Variants in FUT8 observed in about 807,000 individuals in gnomAD.
The protein encoded by FUT8 is alpha-(1,6)-fucosyltransferase.
A neutral mutation model predicts 71.3 loss-of-function variants in FUT8; 29 were observed. That is an observed-to-expected ratio of 0.41 (90% CI 0.30 to 0.55). The LOEUF is 0.55. Among genes scored for constraint, FUT8 ranks in the 20% least tolerant of loss-of-function variants. The probability of loss-of-function intolerance (pLI) is 0.34; values close to 1 mark genes in which losing one functional copy is unlikely to be tolerated. For missense variants in FUT8, 544 were observed against 702.1 expected (o/e 0.77, Z 2.55); for synonymous variants, 254 against 239.3 (o/e 1.06, Z -0.57).
At chr14:65,552,365 T>C (rs1885338822) in intron 2 of FUT8, among the ~76,000 whole-genome samples, 3 of 152,234 alleles carry the variant, frequency 2.0e-5, no homozygotes, top group South Asian at 4.1e-4. Flanking sequence ...GGATATGTAA[T>C]GTATTTTATG....
Position 65,439,954 on chromosome 14 carries a change from G to GTGTATGTATATATATA in FUT8, c.-325-15666_-325-15665insGTATGTATATATATAT. The stretch of plus-strand genomic sequence containing the variant: ...ATAAAGAAAATGTGTGTGTGTGTGT[G>GTGTATGTATATATATA]TATATATATATATATATATATATAT... On this transcript the variant is annotated intron_variant, in intron 1 of 10. Coordinates refer to ENST00000673929, the MANE Select transcript of FUT8 (RefSeq NM_001371533.1). Among the ~76,000 whole-genome samples the GTGTATGTATATATATA allele has an allele frequency of 7.1e-4, 53 of 74,968 alleles. 1 individual carries two copies. Among genetic ancestry groups the GTGTATGTATATATATA allele is most frequent in the South Asian group, 2.4e-3 (4 of 1,688 alleles). 49.2% of individuals were successfully genotyped at this position (74,968 alleles called of 152,430 possible).
intron 3 of FUT8, among the ~76,000 whole-genome samples, chr14:65,580,876 T>C (rs767929647): frequency 1.5e-4 from 23 of 152,120 alleles, no homozygotes; most frequent in Admixed American, 7.9e-4. Context: ...ACAGTGTGGA[T>C]TGGAATCTAA....
At chr14:65,737,858 C>T (rs532691052) in intron 10 of FUT8, among the ~76,000 whole-genome samples, 5 of 152,188 alleles carry the variant, frequency 3.3e-5, no homozygotes, top group Admixed American at 6.5e-5. Flanking sequence ...AATCCGCACG[C>T]AATTCTACTC....
rs187041606 is a variant in FUT8 at position 65,702,374 on chromosome 14, T to C, written c.836-19401T>C. ...AAAAAAAAAAAAGGGAACAAGAAAGTACCTCATCACAACTTTGCGGATTAA... is the reference window on the plus strand; with the variant it reads ...AAAAAAAAAAAAGGGAACAAGAAAGCACCTCATCACAACTTTGCGGATTAA... On this transcript the variant is annotated intron_variant, in intron 7 of 10. Transcript: ENST00000673929. Among the ~76,000 whole-genome samples the C allele has an allele frequency of 1.9e-4, 29 of 149,984 alleles. No homozygotes were observed. The South Asian group carries it at 3.6e-3, about 19-fold the overall frequency.
In FUT8 at chr14:65,572,285, A is replaced by C. The variant is rs542154831; in HGVS notation, c.203+10519A>C. ...GCAGGAACAGCAAGACAACAAAAAC[A>C]ACAGCTGTTAATATGTGTTACTATG... On this transcript the variant is annotated intron_variant, in intron 3 of 10. Coordinates refer to ENST00000673929, the MANE Select transcript of FUT8 (RefSeq NM_001371533.1). 7.1e-4 allele frequency among the ~76,000 whole-genome samples: 108 copies of C among 152,312 alleles called. 1 individual carries two copies. Among genetic ancestry groups the C allele is most frequent in the African/African-American group, 2.3e-3 (97 of 41,580 alleles).
chr14:65,725,046 A>T (rs1895609893), intron 9 of FUT8, among the ~76,000 whole-genome samples: 1 of 152,240 alleles, frequency 6.6e-6, no homozygotes, highest in Non-Finnish European at 1.5e-5. Flanking sequence ...CCAGGTGCTT[A>T]TCGTTTTGAT....
intron 1 of FUT8, among the ~76,000 whole-genome samples, chr14:65,444,851 T>A (rs1354409669): frequency 6.6e-6 from 1 of 152,078 alleles, no homozygotes; most frequent in Non-Finnish European, 1.5e-5. Context: ...GGGGGCCCAA[T>A]GGAAGGTGTA....
At chr14:65,690,726 CTT>C (rs1010902970) in intron 7 of FUT8, among the ~76,000 whole-genome samples, 25 of 141,598 alleles carry the variant, frequency 1.8e-4, no homozygotes, top group Non-Finnish European at 2.2e-4. Flanking sequence ...AAACATTTGA[CTT>C]TTTTTTTTTT....
intron 9 of FUT8, among the ~76,000 whole-genome samples, chr14:65,727,297 G>A (rs553888835): frequency 1.3e-5 from 2 of 152,298 alleles, no homozygotes; most frequent in African/African-American, 4.8e-5. Flanking sequence ...CCCTAGCAGA[G>A]GTTTTCCATG....
At chr14:65,658,904 C>T (rs1248810212) in intron 6 of FUT8, among the ~76,000 whole-genome samples, 1 of 151,942 alleles carries the variant, frequency 6.6e-6, no homozygotes, top group Non-Finnish European at 1.5e-5. Context: ...CTAAAAAAGT[C>T]TGTAGTTAAT....
At position 65,439,954 on chromosome 14, in the gene FUT8, G is replaced by GTGTATGTA; in HGVS notation, c.-325-15666_-325-15665insGTATGTAT. On this transcript the variant is annotated intron_variant, in intron 1 of 10. Coordinates refer to ENST00000673929, the MANE Select transcript of FUT8 (RefSeq NM_001371533.1). ...ATAAAGAAAATGTGTGTGTGTGTGT[G>GTGTATGTA]TATATATATATATATATATATATAT... 7.2e-3 allele frequency among the ~76,000 whole-genome samples: 538 copies of GTGTATGTA among 74,972 alleles called. 27 individuals carry two copies. The highest frequency in any genetic ancestry group is 0.026 in the African/African-American group (516 of 19,790). The allele number at this position is 74,972 out of a possible 152,430, so 49.2% of individuals were successfully genotyped here.
At chr14:65,556,541 C>G (rs918447653) in intron 2 of FUT8, among the ~76,000 whole-genome samples, 18 of 152,150 alleles carry the variant, frequency 1.2e-4, no homozygotes, top group African/African-American at 4.3e-4. Context: ...GAGCAAGACA[C>G]AGAAGCTCCA....
intron 3 of FUT8, among the ~76,000 whole-genome samples, chr14:65,592,440 C>T (rs1052345262): frequency 6.6e-6 from 1 of 151,912 alleles, no homozygotes; most frequent in East Asian, 1.9e-4. Flanking sequence ...AGCTAGCTAC[C>T]TACGTACCTA....
At chr14:65,634,577 A>AT (rs1555378155) in intron 6 of FUT8, among the ~76,000 whole-genome samples, 1 of 150,698 alleles carries the variant, frequency 6.6e-6, no homozygotes, top group Admixed American at 6.6e-5. Context: ...AAAAAAAAAA[A>AT]AAAAGAAAAG....
chr14:65,402,937 G>C, the FUT8 span, among the ~76,000 whole-genome samples: 1 of 152,154 alleles, frequency 6.6e-6, no homozygotes, highest in East Asian at 1.9e-4. Context: ...AGAACCTTTA[G>C]TCCTTGCTTT....
intron 2 of FUT8, among the ~76,000 whole-genome samples, chr14:65,476,265 A>C (rs1487026543): frequency 6.6e-6 from 1 of 152,160 alleles, no homozygotes; most frequent in African/African-American, 2.4e-5. Context: ...TTCATCATAG[A>C]TCAGGATAGT....
intron 3 of FUT8, among the ~76,000 whole-genome samples, chr14:65,591,010 A>C (rs999008489): frequency 2.0e-5 from 3 of 152,208 alleles, no homozygotes; most frequent in Non-Finnish European, 4.4e-5. Flanking sequence ...GTTTATTTGA[A>C]AAATACACAT....
At chr14:65,702,691 TA>T (rs956716821) in intron 7 of FUT8, among the ~76,000 whole-genome samples, 7 of 152,124 alleles carry the variant, frequency 4.6e-5, no homozygotes, top group Middle Eastern at 6.8e-3. Context: ...GGCCTACTGA[TA>T]AATAACTGTC....
rs558660559 is a variant in FUT8, at chr14:65,489,743, A to G, written c.-228+34025A>G. Among the ~76,000 whole-genome samples, 10 of 152,232 alleles carry G rather than the reference A, an allele frequency of 6.6e-5. No homozygotes were observed. Among genetic ancestry groups the G allele is most frequent in the African/African-American group, 1.4e-4 (6 of 41,586 alleles). ...TTGGAATTACATTAAAAAGGATTCT[A>G]TGTTTTGTTTATTGGTATCACACAC... On this transcript the variant is annotated intron_variant, in intron 2 of 10. Coordinates refer to ENST00000673929, the MANE Select transcript of FUT8 (RefSeq NM_001371533.1). The surrounding 1 kb of genome is among the most constrained non-coding windows in gnomAD (Gnocchi z 4.0).
Sources: allele counts gnomAD v4.1 joint callset (sites outside exome capture counted in the v4.1 genomes callset), GRCh38; gene constraint gnomAD v4.1.1; non-coding constraint Gnocchi (gnomAD v3.1); transcripts MANE v1.5; gene names NCBI Gene and HGNC (gene_info 2026-07-23, HGNC 2026-07-21).